The following CCDC85A variants were observed in gnomAD, a reference collection of about 807,000 sequenced individuals.
CCDC85A encodes the protein coiled-coil domain containing 85A, also known as coiled-coil domain-containing protein 85A.
Under a neutral mutation model 50.2 loss-of-function variants are expected in CCDC85A, and 38 were observed. The observed-to-expected ratio is 0.76, with a 90% CI of 0.58 to 0.99. CCDC85A has a LOEUF of 0.99. Among genes scored for constraint, CCDC85A ranks in the 50% least tolerant of loss-of-function variants. CCDC85A has a pLI of 0.00. For missense variants in CCDC85A, 820 were observed against 742.0 expected, an observed-to-expected ratio of 1.11 and a Z score of -1.22; for synonymous variants, 366 against 301.4, an observed-to-expected ratio of 1.21 and a Z score of -2.22.
At chr2:56,295,613 A>G (rs1233914573) in intron 2 of CCDC85A, among the ~76,000 whole-genome samples, 1 of 152,148 alleles carries the variant, frequency 6.6e-6, no homozygotes, top group Non-Finnish European at 1.5e-5. Flanking sequence ...TCCTACAAAA[A>G]GAAATGGCCC....
At chr2:56,376,039 T>C (rs935974882) in intron 5 of CCDC85A, 104 bp downstream of exon 5, 29 of 1,256,078 alleles carry the variant, frequency 2.3e-5, no homozygotes, top group East Asian at 1.4e-4. Flanking sequence ...ATAGATATTT[T>C]ATTTTTTGAC....
chr2:56,287,750 A>G lies in CCDC85A; in HGVS notation c.1241-55129A>G, dbSNP rs189446063. ...TTCTCCTTTATTTTCTCACTTTACCATTTTCAAATTCTTCCTCTTTTCACA... is the reference window on the plus strand; with the variant it reads ...TTCTCCTTTATTTTCTCACTTTACCGTTTTCAAATTCTTCCTCTTTTCACA... On this transcript the variant is annotated intron_variant, in intron 2 of 5. Coordinates refer to ENST00000407595, the MANE Select transcript of CCDC85A (RefSeq NM_001080433.2). Among the ~76,000 whole-genome samples, 12 of 152,044 alleles carry G rather than the reference A, an allele frequency of 7.9e-5. No homozygotes were observed. In the East Asian group the frequency reaches 2.3e-3, roughly 29 times the overall value.
At chr2:56,314,183 A>T (rs867193905) in intron 2 of CCDC85A, among the ~76,000 whole-genome samples, 53 of 150,666 alleles carry the variant, frequency 3.5e-4, no homozygotes, top group Admixed American at 5.3e-4. Context: ...GAGCCTCAGG[A>T]TTGTCAGGAG....
At chr2:56,241,672 A>G (rs1029650864) in intron 2 of CCDC85A, among the ~76,000 whole-genome samples, 6 of 152,208 alleles carry the variant, frequency 3.9e-5, no homozygotes, top group African/African-American at 1.4e-4. Flanking sequence ...CTCATTCTTT[A>G]TGATGGCTGA....
chr2:56,255,831 AAGAG>A (rs1394795413), intron 2 of CCDC85A, among the ~76,000 whole-genome samples: 4 of 152,132 alleles, frequency 2.6e-5, no homozygotes, highest in Non-Finnish European at 4.4e-5. Context: ...TACAGAATGA[AAGAG>A]AGAATGAACA....
At chr2:56,336,374 G>A (rs116123952) in intron 2 of CCDC85A, among the ~76,000 whole-genome samples, 474 of 152,050 alleles carry the variant, frequency 3.1e-3, no homozygotes, top group Non-Finnish European at 5.3e-3. Context: ...GGCTGATCTC[G>A]AACTCCTGAC....
chr2:56,216,813 A>G (rs1278730537), intron 2 of CCDC85A, among the ~76,000 whole-genome samples: 2 of 147,810 alleles, frequency 1.4e-5, no homozygotes, highest in African/African-American at 2.5e-5. Context: ...ATGGAGAACT[A>G]TTTGCCTGAA....
In CCDC85A at chr2:56,356,956, G is replaced by A. The variant is rs189269395; in HGVS notation, c.1317+14001G>A. ...AGGCCAGGCGTGGTGGTGGGCACCT[G>A]TAGTCCCAGCTATTCGGGAGGTTGA... is the stretch of plus-strand genomic sequence containing the variant. On this transcript the variant is annotated intron_variant, in intron 3 of 5. Coordinates refer to ENST00000407595, the MANE Select transcript of CCDC85A (RefSeq NM_001080433.2). 3.4e-3 allele frequency among the ~76,000 whole-genome samples: 505 copies of A among 149,590 alleles called. 5 individuals carry two copies. Among genetic ancestry groups the A allele is most frequent in the African/African-American group, 0.012 (482 of 41,172 alleles).
intron 2 of CCDC85A, among the ~76,000 whole-genome samples, chr2:56,324,922 C>T (rs933416937): frequency 1.3e-5 from 2 of 152,028 alleles, no homozygotes; most frequent in Non-Finnish European, 2.9e-5. Flanking sequence ...TTCATTTCTT[C>T]ACTTTTTATT....
chr2:56,305,994 A>G (rs530465076), intron 2 of CCDC85A, among the ~76,000 whole-genome samples: 2 of 152,286 alleles, frequency 1.3e-5, no homozygotes, highest in East Asian at 3.9e-4. Flanking sequence ...TCCTTCTTTC[A>G]TTGCCTTGAC....
chr2:56,234,254 T>A lies in CCDC85A; in HGVS notation c.1240+40814T>A, dbSNP rs17190135. On this transcript the variant is annotated intron_variant, in intron 2 of 5. Transcript: ENST00000407595. ...GCTGCTTCTCTTTTGACAGGCATCTTGATCATGCCATGTATCATGGGTGCA... is the reference window on the plus strand; with the variant it reads ...GCTGCTTCTCTTTTGACAGGCATCTAGATCATGCCATGTATCATGGGTGCA... 8.5e-3 allele frequency among the ~76,000 whole-genome samples: 1,294 copies of A among 152,304 alleles called. 11 individuals are homozygous for A. The highest frequency in any genetic ancestry group is 0.024 in the South Asian group (116 of 4,818).
In CCDC85A at chr2:56,272,301, C is replaced by T. The variant is rs149692627; in HGVS notation, c.1241-70578C>T. Among the ~76,000 whole-genome samples the T allele has an allele frequency of 1.2e-3, 177 of 152,058 alleles. 1 individual carries two copies. The highest frequency in any genetic ancestry group is 3.8e-3 in the African/African-American group (156 of 41,480). On this transcript the variant is annotated intron_variant, in intron 2 of 5. Coordinates refer to ENST00000407595, the MANE Select transcript of CCDC85A (RefSeq NM_001080433.2). ...AAAAAAAAACAGCAGAAAGTATTAC[C>T]TACCATCCCACAGAGGGGGATATAA...
At chr2:56,213,703 G>T (rs1230870749) in intron 2 of CCDC85A, among the ~76,000 whole-genome samples, 3 of 151,774 alleles carry the variant, frequency 2.0e-5, no homozygotes, top group African/African-American at 7.3e-5. Flanking sequence ...AGAGACTAAT[G>T]AACTTTTAAT....
chr2:56,198,543 C>A (rs189356817), intron 2 of CCDC85A, among the ~76,000 whole-genome samples: 165 of 152,298 alleles, frequency 1.1e-3, no homozygotes, highest in Non-Finnish European at 2.9e-4. Context: ...ATATGCAAAG[C>A]ATATTACATT....
rs985365327 is a variant in CCDC85A at position 56,385,518 on chromosome 2, T to G, written c.*1163T>G. 4 of 152,230 alleles carry G rather than the reference T, an allele frequency of 2.6e-5. No individual in the cohort carries two copies. Among genetic ancestry groups the G allele is most frequent in the Non-Finnish European group, 2.9e-5 (2 of 67,822 alleles). 9.4% of individuals were successfully genotyped at this position (152,230 alleles called of 1,614,324 possible). ...GTATTTTGTGTTAATCCAAATGCAA[T>G]GATAGTTTCTTGTATGAATGTGCAA... On this transcript the variant is annotated 3_prime_UTR_variant, in exon 6 of 6. Coordinates refer to ENST00000407595, the MANE Select transcript of CCDC85A (RefSeq NM_001080433.2).
chr2:56,264,685 A>T (rs1670361114), intron 2 of CCDC85A, among the ~76,000 whole-genome samples: 1 of 152,154 alleles, frequency 6.6e-6, no homozygotes, highest in African/African-American at 2.4e-5. Flanking sequence ...TTCTATTTAC[A>T]GCCCTTCCAA....
chr2:56,214,062 T>C (rs1189347092), intron 2 of CCDC85A, among the ~76,000 whole-genome samples: 1 of 151,908 alleles, frequency 6.6e-6, no homozygotes, highest in African/African-American at 2.4e-5. Flanking sequence ...TTGAACATTT[T>C]ACTGAGACAA....
intron 2 of CCDC85A, among the ~76,000 whole-genome samples, chr2:56,267,771 A>C (rs6727112): frequency 0.31 from 47,298 of 151,838 alleles, 7,395 homozygotes; most frequent in South Asian, 0.36. Flanking sequence ...GAACTTCTGA[A>C]TAGAATTACA....
intron 2 of CCDC85A, among the ~76,000 whole-genome samples, chr2:56,212,155 C>T (rs1677207051): frequency 6.6e-6 from 1 of 152,062 alleles, no homozygotes; most frequent in Non-Finnish European, 1.5e-5. Flanking sequence ...CCAAATTCTG[C>T]ACTGGAAGCC....
Sources: allele counts gnomAD v4.1 joint callset (sites outside exome capture counted in the v4.1 genomes callset), GRCh38; gene constraint gnomAD v4.1.1; transcripts MANE v1.5; gene names NCBI Gene and HGNC (gene_info 2026-07-23, HGNC 2026-07-21).